The following IGF1R variants were observed in gnomAD, a reference collection of about 807,000 sequenced individuals.
IGF1R encodes insulin like growth factor 1 receptor.
IGF1R carries 44 observed loss-of-function variants against 144.6 expected under a neutral mutation model. The ratio of observed to expected loss-of-function variants is 0.30; its 90% CI spans 0.24 to 0.39. The LOEUF (loss-of-function observed/expected upper bound fraction) is 0.39, where lower values mean the gene tolerates loss of function less well. Ranked by LOEUF, IGF1R falls within the 10% of genes least tolerant of loss-of-function variation. The pLI, the probability that IGF1R is intolerant of heterozygous loss-of-function variation, is 1.00. For synonymous variants in IGF1R, 795 were observed against 722.8 expected, an observed-to-expected ratio of 1.10 and a Z score of -1.60; for missense variants, 1,355 against 1,833.7, an observed-to-expected ratio of 0.74 and a Z score of 4.77.
At chr15:98,883,848 A>AG (rs1021511069) in intron 2 of IGF1R, among the ~76,000 whole-genome samples, 8 of 152,134 alleles carry the variant, frequency 5.3e-5, no homozygotes, top group Non-Finnish European at 8.8e-5. Context: ...GCAGCCCCTG[A>AG]GGGAGGGGCT....
At chr15:98,854,745 A>C (rs2011700489) in intron 2 of IGF1R, among the ~76,000 whole-genome samples, 2 of 152,116 alleles carry the variant, frequency 1.3e-5, no homozygotes, top group African/African-American at 2.4e-5. Context: ...GGGGGAATAG[A>C]AGAGCCCTGT....
intron 1 of IGF1R, among the ~76,000 whole-genome samples, chr15:98,688,653 C>T (rs537744348): frequency 6.6e-5 from 10 of 151,424 alleles, no homozygotes; most frequent in Non-Finnish European, 1.5e-4. Context: ...CTCTTAAGTC[C>T]TCATTTTTTT....
At chr15:98,932,805 C>T (rs7181022) in intron 15 of IGF1R, among the ~76,000 whole-genome samples, 18,745 of 152,134 alleles carry the variant, frequency 0.12, 2,811 homozygotes, top group African/African-American at 0.36. Flanking sequence ...TTGAAACATA[C>T]GTACTATGAA....
chr15:98,741,488 C>A (rs1436724170), intron 2 of IGF1R, among the ~76,000 whole-genome samples: 1 of 152,052 alleles, frequency 6.6e-6, no homozygotes, highest in Non-Finnish European at 1.5e-5. Flanking sequence ...ACCAGACACC[C>A]AGAGGGGTCA....
At chr15:98,686,082 T>C (rs1204209144) in intron 1 of IGF1R, among the ~76,000 whole-genome samples, 4 of 152,212 alleles carry the variant, frequency 2.6e-5, no homozygotes, top group Non-Finnish European at 5.9e-5. Context: ...CATTCCACTT[T>C]CTGTCTGTAA....
intron 2 of IGF1R, among the ~76,000 whole-genome samples, chr15:98,877,509 T>C (rs1250288781): frequency 2.0e-5 from 3 of 146,442 alleles, no homozygotes; most frequent in Non-Finnish European, 4.5e-5. Context: ...TTTTTTTTTT[T>C]TTTTCCCCAA....
chr15:98,959,854 TA>T lies in IGF1R; in HGVS notation c.*2426del, dbSNP rs398028512. 127,887 of 217,270 alleles carry T rather than the reference TA, an allele frequency of 0.59. 32,595 individuals are homozygous for T. The highest frequency in any genetic ancestry group is 0.65 in the South Asian group (3,375 of 5,226). 13.5% of individuals were successfully genotyped at this position (217,270 alleles called of 1,614,324 possible). ...TCTCTATCCCATAGCGTGTTCCCTT[TA>T]AAAAAAAAAAAAAGGTATTATATGT... On this transcript the variant is annotated 3_prime_UTR_variant, in exon 21 of 21. Transcript: ENST00000650285.
At chr15:98,826,802 G>A (rs117578182) in intron 2 of IGF1R, among the ~76,000 whole-genome samples, 3,057 of 152,296 alleles carry the variant, frequency 0.02, 38 homozygotes, top group Middle Eastern at 0.038. Context: ...AAGACAGAGG[G>A]AAGTGCTGTA....
chr15:98,858,378 T>C (rs1405282983), intron 2 of IGF1R, among the ~76,000 whole-genome samples: 1 of 152,236 alleles, frequency 6.6e-6, no homozygotes, highest in African/African-American at 2.4e-5. Flanking sequence ...TTCCTTTTAA[T>C]CTAGCACAGT....
chr15:98,890,970 C>A (rs1343030553), intron 2 of IGF1R, among the ~76,000 whole-genome samples: 1 of 152,178 alleles, frequency 6.6e-6, no homozygotes, highest in East Asian at 1.9e-4. Context: ...TCCTGTAGGG[C>A]TTCCACTGGC....
chr15:98,820,056 C>A (rs2056773510), intron 2 of IGF1R, among the ~76,000 whole-genome samples: 1 of 152,180 alleles, frequency 6.6e-6, no homozygotes, highest in African/African-American at 2.4e-5. Context: ...CGTTCACAAA[C>A]CACACTTTGA....
chr15:98,681,631 C>G (rs1441326396), intron 1 of IGF1R, among the ~76,000 whole-genome samples: 2 of 152,052 alleles, frequency 1.3e-5, no homozygotes, highest in African/African-American at 2.4e-5. Flanking sequence ...CCATCCCTGT[C>G]GGGGGCTCAT....
At chr15:98,854,044 C>A (rs2011655801) in intron 2 of IGF1R, among the ~76,000 whole-genome samples, 1 of 152,212 alleles carries the variant, frequency 6.6e-6, no homozygotes, top group Admixed American at 6.5e-5. Flanking sequence ...GGAATTAATG[C>A]ATATCGTGGT....
chr15:98,714,024 C>T (rs1389579561), intron 2 of IGF1R, among the ~76,000 whole-genome samples: 1 of 152,160 alleles, frequency 6.6e-6, no homozygotes, highest in Non-Finnish European at 1.5e-5. Context: ...TGTTGCATTT[C>T]CTATTGCCCT....
chr15:98,925,784 A>T (rs2015691576), intron 13 of IGF1R, among the ~76,000 whole-genome samples: 1 of 152,208 alleles, frequency 6.6e-6, no homozygotes, highest in South Asian at 2.1e-4. Flanking sequence ...CACGCCTGTA[A>T]TCCCAGCTAC....
chr15:98,906,589 G>T (rs1476492081), intron 5 of IGF1R, among the ~76,000 whole-genome samples: 1 of 152,234 alleles, frequency 6.6e-6, no homozygotes, highest in Non-Finnish European at 1.5e-5. Context: ...TATGGATGGG[G>T]TCTACCCCCA....
chr15:98,686,842 T>C (rs1567075700), intron 1 of IGF1R, among the ~76,000 whole-genome samples: 1 of 152,092 alleles, frequency 6.6e-6, no homozygotes, highest in Non-Finnish European at 1.5e-5. Flanking sequence ...GGTGAATTTT[T>C]AAATTTTTGT....
chr15:98,732,263 T>C (rs879867424), intron 2 of IGF1R, among the ~76,000 whole-genome samples: 4 of 152,096 alleles, frequency 2.6e-5, no homozygotes, highest in Non-Finnish European at 4.4e-5. Context: ...CCTCGCAGGA[T>C]GCAGAGGAGT....
chr15:98,901,630 G>A (rs192839744), intron 5 of IGF1R, among the ~76,000 whole-genome samples: 13 of 152,282 alleles, frequency 8.5e-5, no homozygotes, highest in Admixed American at 4.6e-4. Context: ...GACAGGATAC[G>A]ATAGTCAGAT....
Sources: gnomAD v4.1 joint callset for allele counts (sites outside exome capture counted in the v4.1 genomes callset) on GRCh38, gnomAD v4.1.1 for gene constraint, MANE v1.5 for transcripts, NCBI Gene and HGNC (gene_info 2026-07-23, HGNC 2026-07-21) for gene names.